Variants in RNF13 observed in about 807,000 individuals in gnomAD.
The protein encoded by RNF13 is ring finger protein 13, also known as E3 ubiquitin-protein ligase RNF13.
Under a neutral mutation model 37.7 loss-of-function variants are expected in RNF13, and 19 were observed. That is an observed-to-expected ratio of 0.50 (90% CI 0.35 to 0.74). The LOEUF (loss-of-function observed/expected upper bound fraction) is 0.74. RNF13 is among the 30% of genes least tolerant of loss of function. The pLI, the probability that RNF13 is intolerant of heterozygous loss-of-function variation, is 0.01. For synonymous variants in RNF13, 144 were observed against 157.8 expected (o/e 0.91, Z 0.65); for missense variants, 375 against 453.0 (o/e 0.83, Z 1.56).
chr3:149,912,043 T>C lies in RNF13; in HGVS notation c.566T>C (p.Ile189Thr). 1 of 1,594,362 alleles carries C rather than the reference T, an allele frequency of 6.3e-7. No individual in the cohort carries two copies. Among genetic ancestry groups the C allele is most frequent in the Non-Finnish European group, 8.6e-7 (1 of 1,162,918 alleles). The change falls in exon 7 of 10, where the codon ATC becomes ACC. Residue 189 changes from isoleucine to threonine, a missense_variant. By Grantham distance (89) the Ile-to-Thr change is moderately conservative. Coordinates refer to ENST00000392894, the MANE Select transcript of RNF13 (RefSeq NM_183381.3). ...PLEYYLIPFL[I>T]IVGICLILIV... ...GAATACTACCTAATTCCCTTCCTTA[T>C]CATAGTGGGCATCTGTCTCATCTTG...
At chr3:149,952,832 C>T (rs1721476875) in intron 8 of RNF13, among the ~76,000 whole-genome samples, 1 of 152,186 alleles carries the variant, frequency 6.6e-6, no homozygotes, top group Non-Finnish European at 1.5e-5. Flanking sequence ...CTCCCGACCT[C>T]AGGTGATCCA....
chr3:149,950,415 T>A (rs376915937), intron 8 of RNF13, among the ~76,000 whole-genome samples: 2 of 152,334 alleles, frequency 1.3e-5, no homozygotes, highest in East Asian at 1.9e-4. Flanking sequence ...GTTAGTCATG[T>A]TAGTAGTGAG....
intron 8 of RNF13, among the ~76,000 whole-genome samples, chr3:149,947,402 C>T (rs527962770): frequency 2.7e-5 from 4 of 150,276 alleles, no homozygotes; most frequent in Non-Finnish European, 5.9e-5. Flanking sequence ...TTTCTTCTTT[C>T]AGTTCTTTTT....
At chr3:149,837,588 T>G (rs1055222663) in intron 1 of RNF13, among the ~76,000 whole-genome samples, 6 of 152,134 alleles carry the variant, frequency 3.9e-5, no homozygotes, top group Admixed American at 6.5e-5. Flanking sequence ...GAAGAGAGCT[T>G]GTGCAGGGCA....
chr3:149,853,470 G>GAGAC (rs1723331695), intron 3 of RNF13, among the ~76,000 whole-genome samples: 4 of 145,818 alleles, frequency 2.7e-5, no homozygotes, highest in Admixed American at 2.0e-4. Context: ...GAGAGAGAGA[G>GAGAC]AGAGAGAGAG....
intron 1 of RNF13, among the ~76,000 whole-genome samples, chr3:149,829,792 C>T (rs1046746014): frequency 5.9e-5 from 9 of 152,072 alleles, no homozygotes; most frequent in Non-Finnish European, 1.2e-4. Context: ...GGCTGTGTTC[C>T]CACCCAAATC....
chr3:149,911,810 G>A lies in RNF13; in HGVS notation c.501-168G>A, dbSNP rs551004729. Among the ~76,000 whole-genome samples, 13 of 152,244 alleles carry A rather than the reference G, an allele frequency of 8.5e-5. No homozygotes were observed. The South Asian group carries it at 2.5e-3, about 29-fold the overall frequency. On this transcript the variant is annotated intron_variant, in intron 6 of 9. Transcript: ENST00000392894. ...TAAAATAGACTTAAAGATGTAGAAA[G>A]CATTCCTTAAATTATTGAAAGTCAT... is the stretch of plus-strand genomic sequence containing the variant.
At chr3:149,885,018 T>G (rs1232066742) in intron 4 of RNF13, among the ~76,000 whole-genome samples, 1 of 152,194 alleles carries the variant, frequency 6.6e-6, no homozygotes, top group Non-Finnish European at 1.5e-5. Flanking sequence ...TCACTTAACA[T>G]AGTGGCTTTC....
intron 1 of RNF13, among the ~76,000 whole-genome samples, chr3:149,831,020 C>A (rs1183846923): frequency 2.6e-5 from 4 of 152,228 alleles, no homozygotes; most frequent in Non-Finnish European, 2.9e-5. Context: ...CACAGAAGTC[C>A]AGAACTGAGG....
chr3:149,817,247 C>T (rs987435239), intron 1 of RNF13: 1 of 152,162 alleles, frequency 6.6e-6, no homozygotes, highest in Non-Finnish European at 1.5e-5. Context: ...CTCACAAGTA[C>T]AGATTTCTCA....
intron 5 of RNF13, among the ~76,000 whole-genome samples, chr3:149,901,173 A>G (rs60431856): frequency 0.03 from 4,542 of 152,134 alleles, 78 homozygotes; most frequent in South Asian, 0.036. Context: ...AAAGATTATG[A>G]TTTTGTTTTG....
intron 4 of RNF13, 78 bp from the exon 5 acceptor site, chr3:149,895,395 G>GT: frequency 1.2e-6 from 1 of 837,204 alleles, no homozygotes; most frequent in East Asian, 2.6e-5. Context: ...ACTTCAGTAA[G>GT]TTTTTATAAT....
At chr3:149,882,344 G>T (rs1713524595) in intron 4 of RNF13, among the ~76,000 whole-genome samples, 2 of 152,104 alleles carry the variant, frequency 1.3e-5, no homozygotes, top group Non-Finnish European at 2.9e-5. Flanking sequence ...TTATTTTTTT[G>T]ACTTATATAT....
At chr3:149,915,345 A>G in intron 7 of RNF13, among the ~76,000 whole-genome samples, 1 of 152,164 alleles carries the variant, frequency 6.6e-6, no homozygotes, top group South Asian at 2.1e-4. Context: ...TTCAGGTAAA[A>G]GAAAACTTTG....
intron 8 of RNF13, among the ~76,000 whole-genome samples, chr3:149,923,764 C>CAAAAAA (rs375634287): frequency 3.6e-5 from 2 of 55,002 alleles, no homozygotes; most frequent in Non-Finnish European, 7.5e-5. Flanking sequence ...GACTCCATCT[C>CAAAAAA]AAAAAAAAAA....
intron 4 of RNF13, among the ~76,000 whole-genome samples, chr3:149,878,012 G>C (rs1712945824): frequency 6.6e-6 from 1 of 151,966 alleles, no homozygotes; most frequent in Non-Finnish European, 1.5e-5. Context: ...CTTTTACCAG[G>C]AAGGTAATCT....
Position 149,885,125 on chromosome 3 carries a change from C to T in RNF13, c.322-10348C>T, listed in dbSNP as rs572322412. Reference sequence around the variant, plus strand: ...GTACCACATTTTCTTTATTCATTCACCTGTGGATGGACACTTAGGTTGTTT... The same window carrying T: ...GTACCACATTTTCTTTATTCATTCATCTGTGGATGGACACTTAGGTTGTTT... On this transcript the variant is annotated intron_variant, in intron 4 of 9. Coordinates refer to ENST00000392894, the MANE Select transcript of RNF13 (RefSeq NM_183381.3). Among the ~76,000 whole-genome samples the T allele has an allele frequency of 9.2e-5, 14 of 152,166 alleles. No homozygotes were observed. The South Asian group carries it at 2.9e-3, about 32-fold the overall frequency.
chr3:149,836,572 G>T (rs1022065239), intron 1 of RNF13, among the ~76,000 whole-genome samples: 2 of 152,024 alleles, frequency 1.3e-5, no homozygotes, highest in South Asian at 4.1e-4. Flanking sequence ...TGCATTATTT[G>T]TGGGAAAGTA....
At chr3:149,888,194 T>C (rs1443855486) in intron 4 of RNF13, among the ~76,000 whole-genome samples, 2 of 152,228 alleles carry the variant, frequency 1.3e-5, no homozygotes, top group Non-Finnish European at 2.9e-5. Flanking sequence ...TTATGACTTG[T>C]CACTGAAATT....
Sources: gnomAD v4.1 joint callset for allele counts (sites outside exome capture counted in the v4.1 genomes callset) on GRCh38, gnomAD v4.1.1 for gene constraint, MANE v1.5 for transcripts, NCBI Gene and HGNC (gene_info 2026-07-23, HGNC 2026-07-21) for gene names.